Variants in KGD4 observed in about 807,000 individuals in gnomAD.
KGD4 encodes alpha-ketoglutarate dehydrogenase subunit 4.
chr5:69,221,737 G>GA, the KGD4 span, among the ~76,000 whole-genome samples: 2 of 151,958 alleles, frequency 1.3e-5, no homozygotes, highest in Admixed American at 1.3e-4. Flanking sequence ...CCAAAGGCAT[G>GA]ATCCATGAAA....
chr5:69,229,622 C>A, the KGD4 span: 1 of 159,018 alleles, frequency 6.3e-6, no homozygotes, highest in Non-Finnish European at 1.4e-5. Flanking sequence ...GTTTTAGGGA[C>A]ATGATTTTCC....
the KGD4 span, among the ~76,000 whole-genome samples, chr5:69,224,249 G>A: frequency 6.6e-6 from 1 of 151,838 alleles, no homozygotes; most frequent in East Asian, 1.9e-4. Context: ...AAATTAGCGG[G>A]GTGTGGTGGC....
the KGD4 span, chr5:69,226,280 G>A: frequency 8.3e-7 from 1 of 1,198,200 alleles, no homozygotes; most frequent in Non-Finnish European, 1.2e-6. Context: ...ATGAGGTTTA[G>A]TAGATCATTT....
chr5:69,221,556 C>T, the KGD4 span, among the ~76,000 whole-genome samples: 1 of 152,084 alleles, frequency 6.6e-6, no homozygotes, highest in South Asian at 2.1e-4. Flanking sequence ...CAACATGGTG[C>T]TGAAAAAATT....
At chr5:69,222,513 T>C in the KGD4 span, among the ~76,000 whole-genome samples, 1 of 152,190 alleles carries the variant, frequency 6.6e-6, no homozygotes, top group African/African-American at 2.4e-5. Flanking sequence ...GTGTTGTGAG[T>C]GCCAAAGAAG....
chr5:69,222,452 G>A, the KGD4 span, among the ~76,000 whole-genome samples: 2 of 152,310 alleles, frequency 1.3e-5, no homozygotes, highest in Non-Finnish European at 2.9e-5. Context: ...GGGTACATAA[G>A]ACAGTAGGGG....
chr5:69,223,690 T>C, the KGD4 span, among the ~76,000 whole-genome samples: 1 of 152,198 alleles, frequency 6.6e-6, no homozygotes, highest in African/African-American at 2.4e-5. Context: ...TAAGGTCCTC[T>C]GTACCACTAT....
chr5:69,219,251 A>C, the KGD4 span, among the ~76,000 whole-genome samples: 6 of 152,224 alleles, frequency 3.9e-5, no homozygotes, highest in Non-Finnish European at 8.8e-5. Context: ...GCATGTATCT[A>C]CCGTATGACC....
chr5:69,217,883 T>G, the KGD4 span: 1 of 1,614,072 alleles, frequency 6.2e-7, no homozygotes. Context: ...TAAAGCAATT[T>G]GTCGCGTTTC....
chr5:69,222,202 C>T, the KGD4 span, among the ~76,000 whole-genome samples: 1,906 of 152,022 alleles, frequency 0.013, 33 homozygotes, highest in Non-Finnish European at 0.016. Flanking sequence ...CATTGGCTAA[C>T]TTATCTGTCC....
At chr5:69,218,154 A>C in the KGD4 span, 1 of 523,062 alleles carries the variant, frequency 1.9e-6, no homozygotes, top group South Asian at 2.4e-5. Flanking sequence ...CTCCTCCGCC[A>C]GGACCTTGTT....
At chr5:69,227,347 C>G in the KGD4 span, among the ~76,000 whole-genome samples, 1 of 152,194 alleles carries the variant, frequency 6.6e-6, no homozygotes, top group South Asian at 2.1e-4. Flanking sequence ...TCTCTCCTCA[C>G]CAACCATCTT....
the KGD4 span, chr5:69,217,906 G>A: frequency 6.2e-7 from 1 of 1,614,086 alleles, no homozygotes; most frequent in South Asian, 1.1e-5. Context: ...CATCTTGGGC[G>A]GTAGGGACGG....
chr5:69,225,567 C>CTT, the KGD4 span, among the ~76,000 whole-genome samples: 253 of 120,246 alleles, frequency 2.1e-3, 2 homozygotes, highest in African/African-American at 7.0e-3. Flanking sequence ...GCTCAGCCAC[C>CTT]TTTTTTTTTT....
the KGD4 span, among the ~76,000 whole-genome samples, chr5:69,224,202 G>A: frequency 1.5e-4 from 23 of 151,936 alleles, no homozygotes; most frequent in Non-Finnish European, 2.8e-4. Context: ...ACCAGCCTGG[G>A]TAAAATGGGG....
At chr5:69,217,888 C>T in the KGD4 span, 10 of 1,613,948 alleles carry the variant, frequency 6.2e-6, no homozygotes, top group African/African-American at 1.3e-4. Flanking sequence ...CAATTTGTCG[C>T]GTTTCCGCAT....
the KGD4 span, among the ~76,000 whole-genome samples, chr5:69,228,946 C>A: frequency 1.5e-5 from 2 of 129,916 alleles, no homozygotes; most frequent in South Asian, 2.6e-4. Flanking sequence ...ACCCGGGAGG[C>A]GGAGGTTGCA....
the KGD4 span, among the ~76,000 whole-genome samples, chr5:69,223,081 T>C: frequency 7.9e-6 from 1 of 126,866 alleles, no homozygotes; most frequent in Non-Finnish European, 1.6e-5. Context: ...CAGCTTTTTT[T>C]TTTTTTTTTT....
chr5:69,219,393 G>C, the KGD4 span, among the ~76,000 whole-genome samples: 1 of 152,178 alleles, frequency 6.6e-6, no homozygotes, highest in Non-Finnish European at 1.5e-5. Context: ...TTCCAGCCTG[G>C]CAGCAGGAGT....
Sources: allele counts gnomAD v4.1 joint callset (sites outside exome capture counted in the v4.1 genomes callset), GRCh38; gene constraint gnomAD v4.1.1; transcripts MANE v1.5; gene names NCBI Gene and HGNC (gene_info 2026-07-23, HGNC 2026-07-21).